TMEM132D: variants seen among roughly 807,000 people sequenced by gnomAD.
The protein encoded by TMEM132D is mature OL transmembrane protein.
Under a neutral mutation model 62.3 loss-of-function variants are expected in TMEM132D, and 21 were observed. The observed-to-expected ratio is 0.34, with a 90% confidence interval of 0.24 to 0.49. The LOEUF (loss-of-function observed/expected upper bound fraction) is 0.49. Among genes scored for constraint, TMEM132D ranks in the 20% least tolerant of loss-of-function variants. The probability of loss-of-function intolerance (pLI) is 0.99; values close to 1 mark genes in which losing one functional copy is unlikely to be tolerated. For synonymous variants in TMEM132D, 621 were observed against 575.6 expected (o/e 1.08, Z -1.13); for missense variants, 1,346 against 1,402.8 (o/e 0.96, Z 0.65).
chr12:129,195,684 G>A (rs1286491299), intron 5 of TMEM132D, among the ~76,000 whole-genome samples: 1 of 152,190 alleles, frequency 6.6e-6, no homozygotes, highest in Non-Finnish European at 1.5e-5. Flanking sequence ...GGGAATTTAA[G>A]CATAATTGAA....
At chr12:129,897,650 G>A (rs1875190383) in intron 1 of TMEM132D, among the ~76,000 whole-genome samples, 1 of 152,166 alleles carries the variant, frequency 6.6e-6, no homozygotes, top group Admixed American at 6.5e-5. Flanking sequence ...TACCTCCCTG[G>A]TGGTCTTGGA....
intron 3 of TMEM132D, among the ~76,000 whole-genome samples, chr12:129,444,445 G>A (rs1261906257): frequency 6.6e-6 from 1 of 152,100 alleles, no homozygotes. Flanking sequence ...AAAAAAGTGG[G>A]CAAAGGACAT....
chr12:129,724,501 T>C (rs986228756), intron 1 of TMEM132D, among the ~76,000 whole-genome samples: 1 of 152,114 alleles, frequency 6.6e-6, no homozygotes, highest in Non-Finnish European at 1.5e-5. Context: ...ACATTTGTGC[T>C]ATTTTTTTGT....
intron 1 of TMEM132D, among the ~76,000 whole-genome samples, chr12:129,748,014 A>C (rs1349628048): frequency 6.6e-6 from 1 of 152,184 alleles, no homozygotes; most frequent in Non-Finnish European, 1.5e-5. Flanking sequence ...TGCCGTGTCC[A>C]TGCAGGCAAG....
intron 1 of TMEM132D, among the ~76,000 whole-genome samples, chr12:129,803,538 CA>C (rs1381505036): frequency 7.9e-5 from 12 of 151,194 alleles, no homozygotes; most frequent in Admixed American, 2.0e-4. Flanking sequence ...ACATTCAAAG[CA>C]GTGTGTAGAG....
intron 4 of TMEM132D, among the ~76,000 whole-genome samples, chr12:129,254,884 A>G (rs535943885): frequency 3.9e-5 from 6 of 152,202 alleles, no homozygotes; most frequent in Non-Finnish European, 8.8e-5. Context: ...GTTAGGTGGT[A>G]TGATTTGGAT....
At chr12:129,084,825 AT>A in intron 5 of TMEM132D, 123 bp from the exon 6 acceptor site, 2 of 810,010 alleles carry the variant, frequency 2.5e-6, no homozygotes, top group Non-Finnish European at 1.9e-6. Context: ...TCCCCTTACT[AT>A]GGGGGAGGAG....
chr12:129,758,572 C>T (rs1024880776), intron 1 of TMEM132D, among the ~76,000 whole-genome samples: 2 of 152,180 alleles, frequency 1.3e-5, no homozygotes, highest in East Asian at 1.9e-4. Context: ...GTAATATATG[C>T]TCCTAGTATA....
At chr12:129,413,618 AG>A (rs1566061192) in intron 3 of TMEM132D, among the ~76,000 whole-genome samples, 1 of 152,152 alleles carries the variant, frequency 6.6e-6, no homozygotes, top group Non-Finnish European at 1.5e-5. Context: ...TTTTTTGGCA[AG>A]CACCTTCCTA....
At chr12:129,270,136 T>G (rs80140882) in intron 4 of TMEM132D, among the ~76,000 whole-genome samples, 14,064 of 152,264 alleles carry the variant, frequency 0.092, 814 homozygotes, top group Admixed American at 0.18. Flanking sequence ...GTGTCCTGTA[T>G]GCAGATAAGG....
chr12:129,419,098 C>T (rs1429631819), intron 3 of TMEM132D, among the ~76,000 whole-genome samples: 1 of 152,168 alleles, frequency 6.6e-6, no homozygotes, highest in Non-Finnish European at 1.5e-5. Context: ...GTTGCCTTTT[C>T]CCACCCAGTT....
At chr12:129,646,966 T>C (rs1008587064) in intron 2 of TMEM132D, among the ~76,000 whole-genome samples, 5 of 151,754 alleles carry the variant, frequency 3.3e-5, no homozygotes, top group Non-Finnish European at 7.4e-5. Context: ...GCTTGGCTAA[T>C]TTTTTGTATT....
intron 3 of TMEM132D, among the ~76,000 whole-genome samples, chr12:129,487,685 C>A (rs1026251408): frequency 6.6e-6 from 1 of 152,002 alleles, no homozygotes; most frequent in African/African-American, 2.4e-5. Context: ...GTAATCCCAG[C>A]ACTTTGGGAG....
chr12:129,403,778 G>A (rs1871690619), intron 3 of TMEM132D, among the ~76,000 whole-genome samples: 1 of 152,062 alleles, frequency 6.6e-6, no homozygotes. Context: ...AGAAGAAAGG[G>A]AATAATGAGG....
intron 2 of TMEM132D, among the ~76,000 whole-genome samples, chr12:129,558,271 C>A (rs1877118039): frequency 6.6e-6 from 1 of 152,186 alleles, no homozygotes; most frequent in South Asian, 2.1e-4. Context: ...AATGCTTCTA[C>A]ATGGAAGTGA....
intron 5 of TMEM132D, among the ~76,000 whole-genome samples, chr12:129,106,690 G>GCCT (rs1233649788): frequency 6.6e-6 from 1 of 152,126 alleles, no homozygotes; most frequent in Non-Finnish European, 1.5e-5. Flanking sequence ...GGCAGGCTCT[G>GCCT]CCTCCTTAAG....
At chr12:129,283,281 T>C (rs190564448) in intron 4 of TMEM132D, among the ~76,000 whole-genome samples, 9 of 152,332 alleles carry the variant, frequency 5.9e-5, no homozygotes, top group African/African-American at 2.2e-4. Context: ...AACCTCTGCC[T>C]CCCAGGTTCA....
At chr12:129,878,331 C>T (rs1874493292) in intron 1 of TMEM132D, among the ~76,000 whole-genome samples, 1 of 152,146 alleles carries the variant, frequency 6.6e-6, no homozygotes, top group Non-Finnish European at 1.5e-5. Context: ...TTAAGCTTTG[C>T]TTAATGAAGG....
At chr12:129,646,754 C>T (rs1879788621) in intron 2 of TMEM132D, among the ~76,000 whole-genome samples, 1 of 151,258 alleles carries the variant, frequency 6.6e-6, no homozygotes, top group African/African-American at 2.4e-5. Context: ...TATATATAAA[C>T]ATGCATTCAC....
Sources: allele counts gnomAD v4.1 joint callset (sites outside exome capture counted in the v4.1 genomes callset), GRCh38; gene constraint gnomAD v4.1.1; transcripts MANE v1.5; gene names NCBI Gene and HGNC (gene_info 2026-07-23, HGNC 2026-07-21).